The following BMPR1B variants were observed in gnomAD, a reference collection of about 807,000 sequenced individuals.
BMPR1B encodes the protein bone morphogenetic protein receptor type 1B, also known as bone morphogenetic protein receptor type-1B.
BMPR1B carries 12 observed loss-of-function variants against 59.1 expected under a neutral mutation model. The observed-to-expected ratio is 0.20, with a 90% CI of 0.13 to 0.33. The LOEUF (loss-of-function observed/expected upper bound fraction) is 0.33. Ranked by LOEUF, BMPR1B falls within the 10% of genes least tolerant of loss-of-function variation. BMPR1B has a pLI of 1.00. For synonymous variants in BMPR1B, 237 were observed against 207.3 expected (o/e 1.14, Z -1.23); for missense variants, 550 against 610.9 (o/e 0.90, Z 1.05).
intron 3 of BMPR1B, among the ~76,000 whole-genome samples, chr4:95,048,126 C>A (rs1376889211): frequency 6.6e-6 from 1 of 152,142 alleles, no homozygotes; most frequent in Non-Finnish European, 1.5e-5. Flanking sequence ...GCTATGGTTT[C>A]ATTCTTTTTT....
At chr4:95,079,922 G>T (rs1728993095) in intron 3 of BMPR1B, among the ~76,000 whole-genome samples, 1 of 152,038 alleles carries the variant, frequency 6.6e-6, no homozygotes, top group Non-Finnish European at 1.5e-5. Flanking sequence ...TTCTGTATAT[G>T]CTTGTTTACT....
At chr4:94,981,029 TAGA>T (rs1270111935) in intron 2 of BMPR1B, among the ~76,000 whole-genome samples, 6 of 58,352 alleles carry the variant, frequency 1.0e-4, no homozygotes, top group East Asian at 5.0e-4. Flanking sequence ...ACACAAAAAG[TAGA>T]AGTTGTCATT....
At chr4:95,149,374 G>T (rs1970801) in intron 11 of BMPR1B, among the ~76,000 whole-genome samples, 95,147 of 151,978 alleles carry the variant, frequency 0.63, 30,128 homozygotes, top group Middle Eastern at 0.74. Context: ...TTTCTTACCT[G>T]CTGTATTTTT....
chr4:94,997,073 G>A (rs538016898), intron 3 of BMPR1B, among the ~76,000 whole-genome samples: 8 of 152,254 alleles, frequency 5.3e-5, no homozygotes, highest in African/African-American at 1.9e-4. Context: ...AGTCAATTAT[G>A]TTGTTTCACT....
At chr4:95,042,462 A>C (rs949770584) in intron 3 of BMPR1B, among the ~76,000 whole-genome samples, 1 of 152,162 alleles carries the variant, frequency 6.6e-6, no homozygotes, top group Non-Finnish European at 1.5e-5. Flanking sequence ...CCTTCAGACT[A>C]TGTCTATAAG....
chr4:94,777,638 G>T (rs972278079), intron 1 of BMPR1B, among the ~76,000 whole-genome samples: 1 of 152,150 alleles, frequency 6.6e-6, no homozygotes, highest in African/African-American at 2.4e-5. Flanking sequence ...ATTTAAGATG[G>T]TTCTGTGTTT....
At chr4:94,870,839 T>C (rs1305007285) in intron 1 of BMPR1B, among the ~76,000 whole-genome samples, 1 of 152,292 alleles carries the variant, frequency 6.6e-6, no homozygotes, top group East Asian at 1.9e-4. Context: ...AGTTTGGAGT[T>C]TCCCACATTA....
chr4:94,795,615 C>T (rs920310963), intron 1 of BMPR1B, among the ~76,000 whole-genome samples: 5 of 151,938 alleles, frequency 3.3e-5, no homozygotes, highest in Non-Finnish European at 7.4e-5. Flanking sequence ...AGGTGTGTAC[C>T]ACCACATCTG....
At chr4:95,037,780 T>C (rs545102641) in intron 3 of BMPR1B, among the ~76,000 whole-genome samples, 4 of 152,164 alleles carry the variant, frequency 2.6e-5, no homozygotes, top group Non-Finnish European at 5.9e-5. Context: ...TCATATACTT[T>C]AGAAAGAGAG....
chr4:94,977,953 T>C (rs1291848033), intron 2 of BMPR1B, among the ~76,000 whole-genome samples: 2 of 152,210 alleles, frequency 1.3e-5, no homozygotes, highest in African/African-American at 4.8e-5. Context: ...ATTTTCAACA[T>C]CACTATGGGC....
intron 10 of BMPR1B, among the ~76,000 whole-genome samples, chr4:95,137,227 G>A (rs1371292021): frequency 2.0e-5 from 3 of 152,200 alleles, no homozygotes; most frequent in Non-Finnish European, 4.4e-5. Flanking sequence ...TTTTGAGTAA[G>A]TTTCTTAATC....
At chr4:94,771,663 A>G (rs12508155) in intron 1 of BMPR1B, among the ~76,000 whole-genome samples, 119,309 of 152,134 alleles carry the variant, frequency 0.78, 46,783 homozygotes, top group Middle Eastern at 0.82. Context: ...TTCAGTTAAT[A>G]TAACATTTCT....
intron 2 of BMPR1B, among the ~76,000 whole-genome samples, chr4:94,919,541 AC>A (rs142373898): frequency 0.03 from 4,608 of 151,388 alleles, 135 homozygotes; most frequent in African/African-American, 0.076. Context: ...CCCTTTATCC[AC>A]CCCCTCAACC....
chr4:95,004,250 A>G (rs1722661725), intron 3 of BMPR1B, among the ~76,000 whole-genome samples: 1 of 152,182 alleles, frequency 6.6e-6, no homozygotes, highest in Non-Finnish European at 1.5e-5. Flanking sequence ...AACTCAAGGC[A>G]AACAATTTTG....
At chr4:94,894,186 A>G (rs925065017) in intron 2 of BMPR1B, among the ~76,000 whole-genome samples, 1 of 152,054 alleles carries the variant, frequency 6.6e-6, no homozygotes, top group Non-Finnish European at 1.5e-5. Flanking sequence ...AACGAGATGC[A>G]TAATGCAAAA....
chr4:94,850,261 A>G lies in BMPR1B; in HGVS notation c.-182-25570A>G, dbSNP rs146196640. On this transcript the variant is annotated intron_variant, in intron 1 of 12. Transcript: ENST00000515059. Reference sequence around the variant, plus strand: ...AGGGAAACCTAGGACTGCCTCTTCAAGGTAATTTTTAAATGAAAAAAAAAA... The same window carrying G: ...AGGGAAACCTAGGACTGCCTCTTCAGGGTAATTTTTAAATGAAAAAAAAAA... Among the ~76,000 whole-genome samples the G allele has an allele frequency of 4.8e-3, 635 of 131,158 alleles. 4 individuals carry two copies. The highest frequency in any genetic ancestry group is 0.019 in the African/African-American group (611 of 31,574). 86.0% of individuals were successfully genotyped at this position (131,158 alleles called of 152,430 possible).
chr4:95,003,560 CTG>C (rs1473663854), intron 3 of BMPR1B, among the ~76,000 whole-genome samples: 5 of 152,084 alleles, frequency 3.3e-5, no homozygotes, highest in Admixed American at 6.6e-5. Context: ...ATAATATAAT[CTG>C]TGTGATTGAG....
intron 1 of BMPR1B, among the ~76,000 whole-genome samples, chr4:94,778,560 C>T (rs1262154330): frequency 1.3e-5 from 2 of 152,054 alleles, no homozygotes; most frequent in African/African-American, 2.4e-5. Context: ...TCTTGGTGCA[C>T]CAGTAACAAG....
chr4:95,057,792 T>C (rs1727043225), intron 3 of BMPR1B, among the ~76,000 whole-genome samples: 1 of 152,148 alleles, frequency 6.6e-6, no homozygotes, highest in African/African-American at 2.4e-5. Flanking sequence ...TTGTAGTGAA[T>C]TGATATTGGC....
Sources: allele counts gnomAD v4.1 joint callset (sites outside exome capture counted in the v4.1 genomes callset), GRCh38; gene constraint gnomAD v4.1.1; transcripts MANE v1.5; gene names NCBI Gene and HGNC (gene_info 2026-07-23, HGNC 2026-07-21).